The following AGBL1 variants were observed in gnomAD, a reference collection of about 807,000 sequenced individuals.
AGBL1 encodes cytosolic carboxypeptidase 4.
In AGBL1, 130 loss-of-function variants were observed where a neutral mutation model predicts 118.9. That is an observed-to-expected ratio of 1.09 (90% CI 0.95 to 1.26). The LOEUF (loss-of-function observed/expected upper bound fraction) is 1.26. Among genes scored for constraint, AGBL1 ranks in the 50% most tolerant of loss-of-function variants. AGBL1 has a pLI of 0.00. For synonymous variants in AGBL1, 555 were observed against 478.9 expected, an observed-to-expected ratio of 1.16 and a Z score of -2.08; for missense variants, 1,584 against 1,298.1, an observed-to-expected ratio of 1.22 and a Z score of -3.38.
chr15:86,741,285 C>G (rs1464520777), intron 22 of AGBL1, among the ~76,000 whole-genome samples: 3 of 144,352 alleles, frequency 2.1e-5, no homozygotes, highest in Non-Finnish European at 4.5e-5. Flanking sequence ...ACTGCTGGTG[C>G]AAAGTGTCAC....
At chr15:86,236,631 A>G (rs1397768037) in intron 6 of AGBL1, among the ~76,000 whole-genome samples, 2 of 152,072 alleles carry the variant, frequency 1.3e-5, no homozygotes, top group Non-Finnish European at 2.9e-5. Context: ...ATAAAACGAC[A>G]TGAACACACA....
chr15:87,025,126 C>T (rs1297302647), intron 24 of AGBL1, among the ~76,000 whole-genome samples: 1 of 151,884 alleles, frequency 6.6e-6, no homozygotes, highest in Non-Finnish European at 1.5e-5. Flanking sequence ...GACATCCTAG[C>T]CAGAGAAATT....
chr15:86,144,022 G>C (rs2076999989), intron 3 of AGBL1, among the ~76,000 whole-genome samples, 177 bp downstream of exon 3: 1 of 152,134 alleles, frequency 6.6e-6, no homozygotes, highest in African/African-American at 2.4e-5. Flanking sequence ...TGTTGACTTT[G>C]ATGTCAGCTC....
chr15:86,215,780 G>A (rs572643832), intron 5 of AGBL1, among the ~76,000 whole-genome samples: 6 of 152,282 alleles, frequency 3.9e-5, no homozygotes, highest in African/African-American at 1.2e-4. Flanking sequence ...ACATATCCAC[G>A]TGCTTCTTGA....
chr15:86,843,289 A>G lies in AGBL1; in HGVS notation c.3159-63798A>G, dbSNP rs77634659. 5.7e-3 allele frequency among the ~76,000 whole-genome samples: 862 copies of G among 152,298 alleles called. 4 individuals carry two copies. Among genetic ancestry groups the G allele is most frequent in the African/African-American group, 0.02 (817 of 41,564 alleles). ...CTGTAGAGAGAGTCATGGATGTTCC[A>G]GCAGCAAGAATAGTATAGGTTTCAT... On this transcript the variant is annotated intron_variant, in intron 22 of 22. Transcript: ENST00000614907.
At chr15:86,474,763 G>A (rs551709471) in intron 18 of AGBL1, among the ~76,000 whole-genome samples, 3 of 152,306 alleles carry the variant, frequency 2.0e-5, no homozygotes, top group South Asian at 2.1e-4. Context: ...ACCTGAGAAC[G>A]GACAGACTGC....
intron 1 of AGBL1, among the ~76,000 whole-genome samples, chr15:86,110,786 A>G (rs1284053971): frequency 6.6e-6 from 1 of 152,202 alleles, no homozygotes; most frequent in Non-Finnish European, 1.5e-5. Context: ...GATTCGGTGA[A>G]CAGTTTCTGA....
At chr15:86,368,565 CA>C (rs1689936607) in intron 17 of AGBL1, among the ~76,000 whole-genome samples, 1 of 151,808 alleles carries the variant, frequency 6.6e-6, no homozygotes, top group Non-Finnish European at 1.5e-5. Flanking sequence ...ATAGTTTATT[CA>C]AAAAAGTAAA....
chr15:86,365,296 T>G (rs961660782), intron 17 of AGBL1, among the ~76,000 whole-genome samples: 2 of 152,100 alleles, frequency 1.3e-5, no homozygotes, highest in African/African-American at 4.8e-5. Context: ...TTCAAGTCCA[T>G]GTGTAGTAGT....
chr15:87,004,373 T>C (rs1042162886), intron 24 of AGBL1, among the ~76,000 whole-genome samples: 3 of 152,208 alleles, frequency 2.0e-5, no homozygotes, highest in Non-Finnish European at 4.4e-5. Flanking sequence ...TGCGTTCTCC[T>C]GTAGTGGGTG....
At chr15:86,960,248 C>T (rs1250397351) in intron 23 of AGBL1, among the ~76,000 whole-genome samples, 1 of 151,984 alleles carries the variant, frequency 6.6e-6, no homozygotes. Flanking sequence ...TATTAGGGAG[C>T]TACTTCTAGA....
At chr15:86,859,151 G>A (rs2079526024) in intron 22 of AGBL1, among the ~76,000 whole-genome samples, 2 of 152,066 alleles carry the variant, frequency 1.3e-5, no homozygotes, top group African/African-American at 4.8e-5. Context: ...TTGCATTGGA[G>A]AATGTTTCTC....
rs757489247 is a variant in AGBL1 at position 86,911,606 on chromosome 15, C to G, written c.*4312C>G. The G allele has an allele frequency of 7.2e-5, 11 of 152,106 alleles. No homozygotes were observed. The highest frequency in any genetic ancestry group is 2.0e-4 in the Admixed American group (3 of 15,276). 9.4% of individuals were successfully genotyped at this position (152,106 alleles called of 1,614,324 possible). A position where few individuals can be genotyped will look rare whatever the true frequency, so the allele number is the denominator to read the frequency against. Reference sequence around the variant, plus strand: ...TCGCACTTATGCTTGTGAGTGTCTACACACATATGCACATGCACAGTGCAA... The same window carrying G: ...TCGCACTTATGCTTGTGAGTGTCTAGACACATATGCACATGCACAGTGCAA... On this transcript the variant is annotated 3_prime_UTR_variant, in exon 23 of 23. Transcript: ENST00000614907.
chr15:86,375,239 A>G (rs1007653594), intron 17 of AGBL1, among the ~76,000 whole-genome samples: 2 of 152,174 alleles, frequency 1.3e-5, no homozygotes, highest in African/African-American at 4.8e-5. Flanking sequence ...TCACATTTCC[A>G]CTCGGCTGGC....
chr15:86,361,037 AT>A (rs2080797847), intron 17 of AGBL1, among the ~76,000 whole-genome samples: 2 of 151,650 alleles, frequency 1.3e-5, no homozygotes, highest in East Asian at 3.9e-4. Context: ...TTAAAAACTA[AT>A]TTCTTAAAGG....
chr15:86,212,282 C>A (rs1461761385), intron 5 of AGBL1, among the ~76,000 whole-genome samples: 1 of 152,178 alleles, frequency 6.6e-6, no homozygotes. Flanking sequence ...CATAAATACG[C>A]AATTTCCATG....
chr15:86,971,114 G>A (rs1001148696), intron 23 of AGBL1, among the ~76,000 whole-genome samples: 10 of 151,992 alleles, frequency 6.6e-5, no homozygotes, highest in Admixed American at 2.6e-4. Flanking sequence ...GGGACAACTC[G>A]AATTCAGGAC....
chr15:86,730,365 A>T (rs1428132788), intron 22 of AGBL1, among the ~76,000 whole-genome samples: 1 of 152,234 alleles, frequency 6.6e-6, no homozygotes, highest in East Asian at 1.9e-4. Context: ...ACCAACAAAG[A>T]TCTAATATCC....
At chr15:86,830,315 A>C (rs1048649393) in intron 22 of AGBL1, among the ~76,000 whole-genome samples, 9 of 152,050 alleles carry the variant, frequency 5.9e-5, no homozygotes, top group Non-Finnish European at 1.0e-4. Context: ...GTTAACTTCT[A>C]ATCTAACTTC....
Sources: gnomAD v4.1 joint callset for allele counts (sites outside exome capture counted in the v4.1 genomes callset) on GRCh38, gnomAD v4.1.1 for gene constraint, MANE v1.5 for transcripts, NCBI Gene and HGNC (gene_info 2026-07-23, HGNC 2026-07-21) for gene names.